The following RABL6 variants were observed in gnomAD, a reference collection of about 807,000 sequenced individuals.
The protein encoded by RABL6 is RAB, member RAS oncogene family like 6.
Under a neutral mutation model 72.9 loss-of-function variants are expected in RABL6, and 28 were observed. That is an observed-to-expected ratio of 0.38 (90% CI 0.28 to 0.53). RABL6 has a LOEUF of 0.53. RABL6 is among the 20% of genes least tolerant of loss of function. RABL6 has a pLI of 0.80. For synonymous variants in RABL6, 477 were observed against 421.2 expected, an observed-to-expected ratio of 1.13 and a Z score of -1.62; for missense variants, 1,029 against 1,008.4, an observed-to-expected ratio of 1.02 and a Z score of -0.28.
chr9:136,810,492 T>C (rs1309302471), intron 1 of RABL6, among the ~76,000 whole-genome samples: 1 of 152,194 alleles, frequency 6.6e-6, no homozygotes, highest in Non-Finnish European at 1.5e-5. Context: ...TTTTAAAACT[T>C]TTGAGTTTCT....
rs111369518 is a variant in RABL6, at chr9:136,820,764, T to C, written c.131-2761T>C. 3.2e-4 allele frequency among the ~76,000 whole-genome samples: 48 copies of C among 152,112 alleles called. 1 individual carries two copies. The highest frequency in any genetic ancestry group is 1.1e-3 in the African/African-American group (44 of 41,470). The stretch of plus-strand genomic sequence containing the variant: ...GCAAAATGACAGCTGGTAAATGATA[T>C]GAAAAAAATAAACAGAGGCTGAGTG... On this transcript the variant is annotated intron_variant, in intron 1 of 14. Transcript: ENST00000311502.
rs1055969151 is a variant in RABL6 at position 136,840,481 on chromosome 9, G to A, written c.2149G>A (p.Gly717Ser). The change falls in exon 15 of 15, where the codon GGC (glycine) becomes AGC (serine). Residue 717 changes from glycine (G) to serine (S), a missense_variant. Around this residue, in one of 2 missense-constraint regions of RABL6, gnomAD observed 595 missense variants for 472.4 expected, o/e 1.26. Transcript: ENST00000311502. ...LEAFLGGGAP[G>S]GRHPGGGDYE... ...GGCTTTCCTGGGGGGCGGGGCCCCG[G>A]GCGGCCGCCACCCTGGGGGTGGCGA... 6.8e-5 allele frequency: 104 copies of A among 1,526,982 alleles called. No individual in the cohort carries two copies. The highest frequency in any genetic ancestry group is 9.0e-5 in the Non-Finnish European group (102 of 1,138,980). 94.6% of individuals were successfully genotyped at this position (1,526,982 alleles called of 1,614,324 possible).
At chr9:136,831,647 G>A (rs1395372389) in intron 5 of RABL6, 74 bp from the exon 6 acceptor site, 38 of 1,589,838 alleles carry the variant, frequency 2.4e-5, no homozygotes, top group Middle Eastern at 1.7e-4. Flanking sequence ...GGGCCTGGGC[G>A]CACAGCACCT....
intron 3 of RABL6, 103 bp downstream of exon 3, chr9:136,825,929 T>A: frequency 1.5e-6 from 2 of 1,340,164 alleles, no homozygotes; most frequent in Non-Finnish European, 2.1e-6. Flanking sequence ...CCCACCATCC[T>A]CGTGGACGGT....
At chr9:136,836,770 TG>T (rs1270888140) in intron 8 of RABL6, 1 of 180,576 alleles carries the variant, frequency 5.5e-6, no homozygotes, top group Non-Finnish European at 1.2e-5. Flanking sequence ...TGGCCACCTC[TG>T]CATGGAGCCC....
At chr9:136,808,456 C>T (rs7864908) in intron 1 of RABL6, 130 bp downstream of exon 1, 819,781 of 1,040,086 alleles carry the variant, frequency 0.79, 325,160 homozygotes, top group East Asian at 0.87. Context: ...GCCCGCCGGG[C>T]GCTCCGGGAG....
At chr9:136,821,784 T>C (rs1041206173) in intron 1 of RABL6, 4 of 1,171,444 alleles carry the variant, frequency 3.4e-6, no homozygotes, top group Non-Finnish European at 4.3e-6. Context: ...GCCTCTGTTC[T>C]CCAAGTTCTC....
At chr9:136,834,423 T>C (rs1848545896) in intron 7 of RABL6, 1 of 986,308 alleles carries the variant, frequency 1.0e-6, no homozygotes, top group Non-Finnish European at 1.2e-6. Context: ...GTCTGTAGAT[T>C]TCTCTTTGTA....
At position 136,818,362 on chromosome 9, in the gene RABL6, C is replaced by CAAAAA. The variant is rs1564360781; in HGVS notation, c.131-5125_131-5121dup. Among the ~76,000 whole-genome samples the CAAAAA allele has an allele frequency of 2.7e-4, 4 of 15,012 alleles. 1 individual carries two copies. The highest frequency in any genetic ancestry group is 1.3e-3 in the Admixed American group (1 of 756). The allele number at this position is 15,012 out of a possible 152,430, so 9.8% of individuals were successfully genotyped here. A position where few individuals can be genotyped will look rare whatever the true frequency, so the allele number is the denominator to read the frequency against. ...TGGGCAACAAAACCAGACTCTGTCT[C>CAAAAA]AAAAAAAAAAAAAAAAAAAAAAAAA... On this transcript the variant is annotated intron_variant, in intron 1 of 14. Coordinates refer to ENST00000311502, the MANE Select transcript of RABL6 (RefSeq NM_024718.5).
intron 1 of RABL6, among the ~76,000 whole-genome samples, chr9:136,818,406 C>CAAAAAAAAA (rs1218807208): frequency 8.6e-5 from 1 of 11,676 alleles, no homozygotes; most frequent in Non-Finnish European, 1.5e-4. Flanking sequence ...AAAAAAAAAC[C>CAAAAAAAAA]AAAGGTAAGC....
In RABL6 at chr9:136,813,400, C is replaced by T; in HGVS notation, c.130+5074C>T. On this transcript the variant is annotated intron_variant, in intron 1 of 14. Transcript: ENST00000311502. ...GCACTGTAGGAGAGGTTGCTTAAACCAGAGTTTTTGATTCACCCCTCCAAG... is the reference window on the plus strand; with the variant it reads ...GCACTGTAGGAGAGGTTGCTTAAACTAGAGTTTTTGATTCACCCCTCCAAG... The T allele has an allele frequency of 4.3e-6, 4 of 929,150 alleles. No homozygotes were observed. In the Admixed American group the frequency reaches 8.9e-5, roughly 21 times the overall value. The allele number at this position is 929,150 out of a possible 1,614,324, so 57.6% of individuals were successfully genotyped here.
intron 1 of RABL6, chr9:136,821,607 C>A: frequency 6.1e-6 from 6 of 987,242 alleles, no homozygotes; most frequent in Non-Finnish European, 7.2e-6. Context: ...GGGCCGCGCC[C>A]GGGTTCCTGC....
intron 1 of RABL6, among the ~76,000 whole-genome samples, chr9:136,822,827 G>A (rs907761788): frequency 5.3e-5 from 8 of 152,218 alleles, no homozygotes; most frequent in Admixed American, 2.0e-4. Context: ...AGTGGCTCAC[G>A]TCTGTAATCC....
intron 11 of RABL6, 38 bp downstream of exon 11, chr9:136,839,159 C>G (rs1345752967): frequency 6.2e-7 from 1 of 1,605,890 alleles, no homozygotes; most frequent in East Asian, 2.2e-5. Flanking sequence ...GCCTGGAGAC[C>G]CGGGTGGGGC....
In RABL6 at chr9:136,808,044, G is replaced by T; in HGVS notation, c.-153G>T. ...TGAGGTTCCCGAGTCGCCGCTCGGG[G>T]CTGCGCTCCGCCGCCGGGACCCCGG... On this transcript the variant is annotated 5_prime_UTR_variant, in exon 1 of 15. Coordinates refer to ENST00000311502, the MANE Select transcript of RABL6 (RefSeq NM_024718.5). 1 of 1,079,092 alleles carries T rather than the reference G, an allele frequency of 9.3e-7. No homozygotes were observed. 66.8% of individuals were successfully genotyped at this position (1,079,092 alleles called of 1,614,324 possible).
chr9:136,840,694 G>T lies in RABL6; in HGVS notation c.*172G>T. Reference sequence around the variant, plus strand: ...CCAGGCTGGGCCCTGCAGGTGCTGGGCCTTCAGGCCCAGTGTGAGCCTGCT... The same window carrying T: ...CCAGGCTGGGCCCTGCAGGTGCTGGTCCTTCAGGCCCAGTGTGAGCCTGCT... On this transcript the variant is annotated 3_prime_UTR_variant, in exon 15 of 15. Coordinates refer to ENST00000311502, the MANE Select transcript of RABL6 (RefSeq NM_024718.5). 1 of 1,549,004 alleles carries T rather than the reference G, an allele frequency of 6.5e-7. No individual in the cohort carries two copies. The highest frequency in any genetic ancestry group is 8.7e-7 in the Non-Finnish European group (1 of 1,146,834).
At chr9:136,815,180 C>T in intron 1 of RABL6, 1 of 330,606 alleles carries the variant, frequency 3.0e-6, no homozygotes, top group Non-Finnish European at 5.9e-6. Context: ...GGCGTTCTTG[C>T]CGTTCTTTGC....
chr9:136,816,864 CT>C (rs1328963617), intron 1 of RABL6, among the ~76,000 whole-genome samples: 1 of 151,794 alleles, frequency 6.6e-6, no homozygotes, highest in African/African-American at 2.4e-5. Context: ...GGGTAATTAG[CT>C]TTTAAAAGGA....
chr9:136,837,945 C>G lies in RABL6; in HGVS notation c.1210C>G (p.Leu404Val). 6.4e-7 allele frequency: 1 copy of G among 1,563,986 alleles called. No homozygotes were observed. Among genetic ancestry groups the G allele is most frequent in the Non-Finnish European group, 8.7e-7 (1 of 1,155,020 alleles). The change falls in exon 10 of 15, where the codon CTG becomes GTG. Residue 404 changes from leucine to valine, a missense_variant. Leu to Val is a conservative substitution (Grantham distance 32). Around this residue, in one of 2 missense-constraint regions of RABL6, gnomAD observed 595 missense variants for 472.4 expected, o/e 1.26. Transcript: ENST00000311502. Reference protein sequence around the residue: ...VPDDRLDRSFLEDTTPARDEK... With the variant: ...VPDDRLDRSFVEDTTPARDEK... ...TGACGACCGCCTGGACCGCAGCTTC[C>G]TGGAAGACACAACCCCCGCCAGGGA... is the stretch of plus-strand genomic sequence containing the variant.
Sources: gnomAD v4.1 joint callset for allele counts (sites outside exome capture counted in the v4.1 genomes callset) on GRCh38, gnomAD v4.1.1 for gene constraint, gnomAD v4.1.1 regional missense constraint, MANE v1.5 for transcripts, NCBI Gene and HGNC (gene_info 2026-07-23, HGNC 2026-07-21) for gene names.